PACRG: variants seen among roughly 807,000 people sequenced by gnomAD.
PACRG encodes the protein parkin coregulated gene protein.
In PACRG, 29 loss-of-function variants were observed where a neutral mutation model predicts 29.7. The observed-to-expected ratio is 0.98, with a 90% CI of 0.73 to 1.33. The LOEUF is 1.33. Ranked by LOEUF, PACRG falls within the 40% of genes most tolerant of loss-of-function variation. PACRG has a pLI of 0.00. For missense variants in PACRG, 279 were observed against 316.2 expected (o/e 0.88, Z 0.89); for synonymous variants, 116 against 118.7 (o/e 0.98, Z 0.15).
chr6:162,907,025 A>T (rs985548357), intron 2 of PACRG, among the ~76,000 whole-genome samples: 13 of 152,304 alleles, frequency 8.5e-5, no homozygotes, highest in Admixed American at 5.2e-4. Context: ...GAAAGTTAAT[A>T]CTCTATGAAA....
At chr6:162,902,662 C>T (rs549424208) in intron 2 of PACRG, among the ~76,000 whole-genome samples, 14 of 152,214 alleles carry the variant, frequency 9.2e-5, no homozygotes, top group Admixed American at 6.5e-4. Context: ...CTTCAGAGTG[C>T]GGTTTTCAGG....
chr6:162,788,847 G>C (rs140966866), intron 1 of PACRG, among the ~76,000 whole-genome samples: 1 of 152,194 alleles, frequency 6.6e-6, no homozygotes, highest in African/African-American at 2.4e-5. Flanking sequence ...TTCAAAATAA[G>C]GTTGTTCATT....
At chr6:163,074,560 T>C (rs967200206) in intron 3 of PACRG, among the ~76,000 whole-genome samples, 6 of 152,154 alleles carry the variant, frequency 3.9e-5, no homozygotes, top group African/African-American at 1.2e-4. Context: ...AAGAGCATAA[T>C]TGGATTATTA....
intron 1 of PACRG, among the ~76,000 whole-genome samples, chr6:162,773,942 A>G (rs1783442656): frequency 6.6e-6 from 1 of 152,198 alleles, no homozygotes; most frequent in Non-Finnish European, 1.5e-5. Context: ...CTTTTAAAAA[A>G]ATGAACAAAA....
At chr6:163,206,661 C>G (rs1369712547) in intron 4 of PACRG, among the ~76,000 whole-genome samples, 1 of 150,422 alleles carries the variant, frequency 6.6e-6, no homozygotes, top group Admixed American at 6.6e-5. Context: ...ACATGTACCC[C>G]TGAGCCCAAA....
intron 2 of PACRG, among the ~76,000 whole-genome samples, chr6:162,936,784 C>T (rs1798263341): frequency 6.6e-6 from 1 of 151,524 alleles, no homozygotes; most frequent in Admixed American, 6.6e-5. Flanking sequence ...AAGTATATAT[C>T]TGTAATTGTT....
intron 4 of PACRG, among the ~76,000 whole-genome samples, chr6:163,303,296 C>T (rs1441308417): frequency 1.3e-5 from 2 of 152,068 alleles, no homozygotes; most frequent in Non-Finnish European, 1.5e-5. Context: ...TGCACTCTAG[C>T]CTGGGTGACA....
At chr6:163,078,569 G>C (rs1331966893) in intron 3 of PACRG, among the ~76,000 whole-genome samples, 1 of 152,086 alleles carries the variant, frequency 6.6e-6, no homozygotes, top group Non-Finnish European at 1.5e-5. Flanking sequence ...GATTAAATGA[G>C]CTAATATGTA....
intron 4 of PACRG, among the ~76,000 whole-genome samples, chr6:163,259,032 C>T (rs1221547846): frequency 6.6e-6 from 1 of 152,174 alleles, no homozygotes; most frequent in African/African-American, 2.4e-5. Context: ...CATAAATCGT[C>T]TCCACATCAA....
chr6:163,123,529 CCCT>C (rs1247965580), intron 4 of PACRG, among the ~76,000 whole-genome samples: 2 of 151,930 alleles, frequency 1.3e-5, no homozygotes, highest in African/African-American at 4.8e-5. Context: ...TATATTACTA[CCCT>C]CCTAACAGAA....
chr6:162,780,408 T>A (rs2128313146), intron 1 of PACRG, among the ~76,000 whole-genome samples: 1 of 152,322 alleles, frequency 6.6e-6, no homozygotes, highest in African/African-American at 2.4e-5. Context: ...ATTTCAAAAA[T>A]ATTTATAGCT....
chr6:162,814,177 A>G lies in PACRG; in HGVS notation c.187A>G (p.Lys63Glu). ...VRGPPAAGAF[K>E]ERPTKPTAFR... The stretch of plus-strand genomic sequence containing the variant: ...AGGCCCTCCAGCTGCAGGGGCATTT[A>G]AAGAAAGACCAACCAAGCCCACAGC... Residue 63 changes from lysine (K) to glutamate (E), a missense_variant, in exon 2 of 5, where the codon AAA becomes GAA. Transcript: ENST00000366888. The G allele has an allele frequency of 6.2e-7, 1 of 1,613,370 alleles. No individual in the cohort carries two copies. The highest frequency in any genetic ancestry group is 8.5e-7 in the Non-Finnish European group (1 of 1,179,526).
intron 4 of PACRG, among the ~76,000 whole-genome samples, chr6:163,185,121 G>A (rs950318367): frequency 1.3e-5 from 2 of 152,192 alleles, no homozygotes; most frequent in African/African-American, 4.8e-5. Context: ...GCTGTTTGTA[G>A]CCAGGGATGG....
At chr6:163,179,187 GC>G in intron 4 of PACRG, 1 of 455,950 alleles carries the variant, frequency 2.2e-6, no homozygotes, top group South Asian at 1.5e-5. Context: ...GATGTCCGCT[GC>G]TCCTCACATG....
chr6:163,160,795 C>T (rs1021135863), intron 4 of PACRG, among the ~76,000 whole-genome samples: 22 of 152,134 alleles, frequency 1.4e-4, no homozygotes, highest in Non-Finnish European at 2.8e-4. Context: ...AATTTCCCCC[C>T]TTGAATATGC....
intron 3 of PACRG, among the ~76,000 whole-genome samples, chr6:163,066,164 G>A (rs1164169735): frequency 1.3e-5 from 2 of 152,278 alleles, no homozygotes; most frequent in East Asian, 3.9e-4. Context: ...ATAACATAAA[G>A]AAAAATCCTT....
At chr6:163,036,904 CCATCCATCCATT>C (rs1377451475) in intron 2 of PACRG, among the ~76,000 whole-genome samples, 15 of 137,940 alleles carry the variant, frequency 1.1e-4, no homozygotes, top group African/African-American at 4.3e-4. Flanking sequence ...ATCCATCCAT[CCATCCATCCATT>C]CACCCAGGTC....
At chr6:163,240,039 C>T (rs1782427112) in intron 4 of PACRG, among the ~76,000 whole-genome samples, 1 of 150,416 alleles carries the variant, frequency 6.6e-6, no homozygotes, top group East Asian at 2.0e-4. Flanking sequence ...CTCACCCCTA[C>T]TTCTACAGAC....
intron 4 of PACRG, among the ~76,000 whole-genome samples, chr6:163,247,465 T>C (rs1328053696): frequency 2.0e-5 from 3 of 152,186 alleles, no homozygotes; most frequent in Non-Finnish European, 4.4e-5. Context: ...TCTAAAAAAT[T>C]AAAATGCAAA....
Sources: gnomAD v4.1 joint callset for allele counts (sites outside exome capture counted in the v4.1 genomes callset) on GRCh38, gnomAD v4.1.1 for gene constraint, MANE v1.5 for transcripts, NCBI Gene and HGNC (gene_info 2026-07-23, HGNC 2026-07-21) for gene names.